Variants in CEMIP2 observed in about 807,000 individuals in gnomAD.
CEMIP2 encodes cell migration inducing hyaluronidase 2.
Under a neutral mutation model 146.9 loss-of-function variants are expected in CEMIP2, and 79 were observed. The observed-to-expected ratio is 0.54, with a 90% CI of 0.45 to 0.65. The LOEUF (loss-of-function observed/expected upper bound fraction) is 0.65, where lower values mean the gene tolerates loss of function less well. Ranked by LOEUF, CEMIP2 falls within the 30% of genes least tolerant of loss-of-function variation. The probability of loss-of-function intolerance (pLI) is 0.00; values close to 1 mark genes in which losing one functional copy is unlikely to be tolerated. For missense variants in CEMIP2, 1,596 were observed against 1,696.2 expected, an observed-to-expected ratio of 0.94 and a Z score of 1.04; for synonymous variants, 601 against 606.3, an observed-to-expected ratio of 0.99 and a Z score of 0.13.
chr9:71,727,821 G>A (rs1019227608), intron 10 of CEMIP2, among the ~76,000 whole-genome samples: 3 of 152,154 alleles, frequency 2.0e-5, no homozygotes, highest in Non-Finnish European at 4.4e-5. Context: ...AGCACTTTGG[G>A]AGGCCAAGGC....
intron 17 of CEMIP2, 57 bp from the exon 18 acceptor site, chr9:71,704,860 A>ATGTCTTTTTAGCT: frequency 6.6e-7 from 1 of 1,523,910 alleles, no homozygotes; most frequent in Non-Finnish European, 9.1e-7. Context: ...ACAGCTAAAA[A>ATGTCTTTTTAGCT]GACATTTTCA....
chr9:71,702,898 AAAACACTGC>A (rs1276876326), intron 18 of CEMIP2, among the ~76,000 whole-genome samples: 1 of 152,194 alleles, frequency 6.6e-6, no homozygotes, highest in Non-Finnish European at 1.5e-5. Context: ...GGTACTTTAC[AAAACACTGC>A]ATATCATTTT....
At chr9:71,727,591 C>G (rs570151866) in intron 10 of CEMIP2, among the ~76,000 whole-genome samples, 3 of 152,314 alleles carry the variant, frequency 2.0e-5, no homozygotes, top group South Asian at 4.1e-4. Context: ...AATAAATACT[C>G]CCTTCAACTA....
At position 71,758,669 on chromosome 9, in the gene CEMIP2, C is replaced by T. The variant is rs1204545711; in HGVS notation, c.-12-8284G>A. 3.9e-5 allele frequency among the ~76,000 whole-genome samples: 6 copies of T among 152,104 alleles called. No homozygotes were observed. In the South Asian group the frequency reaches 1.0e-3, roughly 26 times the overall value. On this transcript the variant is annotated intron_variant, in intron 1 of 23. Coordinates refer to ENST00000377044, the MANE Select transcript of CEMIP2 (RefSeq NM_013390.3). ...AGACTTAATTAATCCTTCCTAGAAC[C>T]GGACAAGAGAAAGCCTGGCTGCATT...
intron 18 of CEMIP2, among the ~76,000 whole-genome samples, chr9:71,701,374 G>T (rs1822557037): frequency 6.6e-6 from 1 of 152,094 alleles, no homozygotes; most frequent in Non-Finnish European, 1.5e-5. Flanking sequence ...CCAGAGTGCT[G>T]GGATTACAGG....
At chr9:71,707,318 T>A (rs1486842443) in intron 17 of CEMIP2, among the ~76,000 whole-genome samples, 1 of 150,844 alleles carries the variant, frequency 6.6e-6, no homozygotes, top group Non-Finnish European at 1.5e-5. Flanking sequence ...TTCTGGGACT[T>A]AGGCAAGTAT....
upstream of CEMIP2, among the ~76,000 whole-genome samples, chr9:71,769,427 G>A (rs781723451): frequency 2.8e-4 from 43 of 152,372 alleles, no homozygotes; most frequent in Admixed American, 8.5e-4. Flanking sequence ...AGCCTGCTCT[G>A]GGACACAGGG....
In CEMIP2 at chr9:71,752,610, C is replaced by G. The variant is rs945970258; in HGVS notation, c.-12-2225G>C. ...TGGTGTTTAACCTCTTACATCCCTT[C>G]CTTAACAACTGGAGCATCTCAGAGT... is the stretch of plus-strand genomic sequence containing the variant. On this transcript the variant is annotated intron_variant, in intron 1 of 23. Transcript: ENST00000377044. 9.2e-5 allele frequency among the ~76,000 whole-genome samples: 14 copies of G among 152,000 alleles called. No homozygotes were observed. In the East Asian group the frequency reaches 2.3e-3, roughly 25 times the overall value.
chr9:71,751,750 A>G (rs1328311474), intron 1 of CEMIP2, among the ~76,000 whole-genome samples: 1 of 152,222 alleles, frequency 6.6e-6, no homozygotes, highest in Non-Finnish European at 1.5e-5. Flanking sequence ...TCCATGTGTC[A>G]TGAGGACCCA....
intron 23 of CEMIP2, 22 bp from the exon 24 acceptor site, chr9:71,685,415 A>G: frequency 2.1e-6 from 3 of 1,437,566 alleles, no homozygotes; most frequent in Non-Finnish European, 2.8e-6. Context: ...AAAAAAAAAG[A>G]AAAAGAAAAA....
chr9:71,747,702 T>C (rs1163496884), intron 2 of CEMIP2, among the ~76,000 whole-genome samples: 1 of 152,118 alleles, frequency 6.6e-6, no homozygotes, highest in Non-Finnish European at 1.5e-5. Context: ...CACAAACATA[T>C]TGTTCTATAC....
At chr9:71,768,585 G>GCCTCCTCCTCCT (rs971294100), upstream of CEMIP2, 51 of 151,942 alleles carry the variant, frequency 3.4e-4, no homozygotes, top group African/African-American at 1.2e-3. Context: ...CTCCGCCTCC[G>GCCTCCTCCTCCT]CCTCCTCCTC....
intron 18 of CEMIP2, among the ~76,000 whole-genome samples, chr9:71,702,275 A>AT (rs1273642488): frequency 6.6e-6 from 1 of 151,334 alleles, no homozygotes; most frequent in Non-Finnish European, 1.5e-5. Context: ...AAAAAAAAAA[A>AT]AAAAATATTG....
rs780947642 is a variant in CEMIP2, at chr9:71,690,211, G to A, written c.3732C>T (p.Gly1244=). 1.7e-5 allele frequency: 28 copies of A among 1,613,994 alleles called. No individual in the cohort carries two copies. Among genetic ancestry groups the A allele is most frequent in the South Asian group, 9.9e-5 (9 of 91,096 alleles). ...ACGGATCCACAACAAGGAGGAGGAC[G>A]CCTGCACTTCGGAAGGTAAAGTCAG... The part of the protein sequence containing the change: ...NGTDFTFRSA[G]VLLLVVDPCS... The change falls in exon 22 of 24, where the codon GGC becomes GGT. Residue 1244 remains glycine (G), a synonymous_variant. Transcript: ENST00000377044.
chr9:71,765,628 C>T (rs934162326), intron 1 of CEMIP2, among the ~76,000 whole-genome samples: 1 of 152,014 alleles, frequency 6.6e-6, no homozygotes, highest in African/African-American at 2.4e-5. Context: ...AAAATTGCTC[C>T]CCCACCCCCA....
chr9:71,719,842 CAAAA>C (rs34555277), intron 12 of CEMIP2, among the ~76,000 whole-genome samples: 22 of 93,198 alleles, frequency 2.4e-4, no homozygotes, highest in Admixed American at 5.3e-4. Context: ...TAAACGAAAG[CAAAA>C]AAAAAAAAAA....
chr9:71,685,948 G>A (rs944895601), intron 22 of CEMIP2, 102 bp from the exon 23 acceptor site: 12 of 794,290 alleles, frequency 1.5e-5, no homozygotes, highest in Non-Finnish European at 2.2e-5. Context: ...AGAAATATTA[G>A]ATAAAAGCAG....
Position 71,683,544 on chromosome 9 carries a change from ACACAC to A in CEMIP2, c.*1648_*1652del. On this transcript the variant is annotated 3_prime_UTR_variant, in exon 24 of 24. Coordinates refer to ENST00000377044, the MANE Select transcript of CEMIP2 (RefSeq NM_013390.3). ...AACACACACACACACACACACACAC[ACACAC>A]ACTCTAATGACCTTCAGGAACCATA... 2 of 58,246 alleles carry A rather than the reference ACACAC, an allele frequency of 3.4e-5. No homozygotes were observed. The highest frequency in any genetic ancestry group is 5.4e-4 in the South Asian group (1 of 1,852). The allele number at this position is 58,246 out of a possible 1,614,324, so 3.6% of individuals were successfully genotyped here.
At chr9:71,740,665 A>G (rs1589157672) in intron 4 of CEMIP2, among the ~76,000 whole-genome samples, 1 of 152,364 alleles carries the variant, frequency 6.6e-6, no homozygotes, top group Non-Finnish European at 1.5e-5. Flanking sequence ...AAATATATCA[A>G]TGCACAGACC....
Sources: gnomAD v4.1 joint callset for allele counts (sites outside exome capture counted in the v4.1 genomes callset) on GRCh38, gnomAD v4.1.1 for gene constraint, MANE v1.5 for transcripts, NCBI Gene and HGNC (gene_info 2026-07-23, HGNC 2026-07-21) for gene names.